Variants in AHI1 observed in about 807,000 individuals in gnomAD.
AHI1 encodes jouberin.
AHI1 carries 123 observed loss-of-function variants against 149.3 expected under a neutral mutation model. The observed-to-expected ratio is 0.82, with a 90% CI of 0.71 to 0.96. AHI1 has a LOEUF of 0.96. Among genes scored for constraint, AHI1 ranks in the 40% least tolerant of loss-of-function variants. The pLI is 0.00. For synonymous variants in AHI1, 475 were observed against 459.8 expected (o/e 1.03, Z -0.42); for missense variants, 1,439 against 1,422.7 (o/e 1.01, Z -0.18).
At chr6:135,437,197 T>C (rs933902266) in intron 15 of AHI1, among the ~76,000 whole-genome samples, 1 of 152,194 alleles carries the variant, frequency 6.6e-6, no homozygotes, top group Non-Finnish European at 1.5e-5. Flanking sequence ...TGATTTACTG[T>C]AGAGAATGTT....
At chr6:135,496,878 T>A (rs1225627137) in intron 2 of AHI1, among the ~76,000 whole-genome samples, 2 of 152,260 alleles carry the variant, frequency 1.3e-5, no homozygotes, top group Non-Finnish European at 2.9e-5. Flanking sequence ...AAAACACTTT[T>A]GGTATTTGAA....
At chr6:135,325,119 C>T (rs961056048) in intron 24 of AHI1, among the ~76,000 whole-genome samples, 3 of 151,836 alleles carry the variant, frequency 2.0e-5, no homozygotes, top group Non-Finnish European at 2.9e-5. Context: ...CTCCGCCACC[C>T]GGGTTCAAGC....
chr6:135,360,291 C>T (rs900122333), intron 23 of AHI1, among the ~76,000 whole-genome samples: 1 of 152,098 alleles, frequency 6.6e-6, no homozygotes, highest in Non-Finnish European at 1.5e-5. Context: ...AAACATTATT[C>T]TAGATATTTC....
At chr6:135,293,077 C>T (rs933222354) in intron 27 of AHI1, among the ~76,000 whole-genome samples, 5 of 152,056 alleles carry the variant, frequency 3.3e-5, no homozygotes, top group Admixed American at 2.0e-4. Flanking sequence ...ATCCGAGGAA[C>T]GCGAAGTTGG....
chr6:135,479,047 G>A (rs1437827781), intron 5 of AHI1, among the ~76,000 whole-genome samples: 1 of 152,260 alleles, frequency 6.6e-6, no homozygotes, highest in South Asian at 2.1e-4. Flanking sequence ...CCTCTGCCTA[G>A]ATTACAGAGG....
chr6:135,345,510 T>C (rs1188099975), intron 24 of AHI1, among the ~76,000 whole-genome samples: 1 of 152,200 alleles, frequency 6.6e-6, no homozygotes, highest in Non-Finnish European at 1.5e-5. Context: ...GAAATTCTGA[T>C]ACATGCCACA....
chr6:135,399,502 A>G (rs555527180), intron 22 of AHI1, among the ~76,000 whole-genome samples: 5 of 152,170 alleles, frequency 3.3e-5, no homozygotes, highest in South Asian at 4.1e-4. Flanking sequence ...CTATCCTTCT[A>G]TCTTTGTTTC....
chr6:135,358,495 T>G (rs187045264), intron 23 of AHI1, among the ~76,000 whole-genome samples: 39 of 152,336 alleles, frequency 2.6e-4, no homozygotes, highest in Non-Finnish European at 5.6e-4. Flanking sequence ...GCTCTGCTGC[T>G]TTTCTTCCAT....
chr6:135,408,756 T>C (rs963542208), intron 21 of AHI1, among the ~76,000 whole-genome samples: 7 of 152,028 alleles, frequency 4.6e-5, no homozygotes. Flanking sequence ...TGAACAAGGG[T>C]GCACAGCCCC....
intron 10 of AHI1, 87 bp downstream of exon 10, chr6:135,455,647 T>C: frequency 9.3e-7 from 1 of 1,076,228 alleles, no homozygotes; most frequent in Non-Finnish European, 1.2e-6. Context: ...TTTTTTTGCC[T>C]TACTGGACTA....
chr6:135,287,061 AG>A (rs1453275051), intron 28 of AHI1, among the ~76,000 whole-genome samples: 1 of 152,220 alleles, frequency 6.6e-6, no homozygotes, highest in East Asian at 1.9e-4. Context: ...AGGAAGAATA[AG>A]GCAAAACAAA....
intron 17 of AHI1, among the ~76,000 whole-genome samples, chr6:135,430,313 AT>A (rs1177912699): frequency 6.6e-6 from 1 of 151,922 alleles, no homozygotes; most frequent in Non-Finnish European, 1.5e-5. Flanking sequence ...GTAACATTAC[AT>A]TTTTTGTTTA....
In AHI1 at chr6:135,285,263, A is replaced by T. The variant is rs1781552724; in HGVS notation, c.*382T>A. ...CACATACAACCATTACCAATATAAT[A>T]ATATTAAATGATTACTTAACAGACA... On this transcript the variant is annotated 3_prime_UTR_variant, in exon 29 of 29. Coordinates refer to ENST00000265602, the MANE Select transcript of AHI1 (RefSeq NM_001134831.2). The T allele has an allele frequency of 3.9e-6, 1 of 255,974 alleles. No homozygotes were observed. Among genetic ancestry groups the T allele is most frequent in the African/African-American group, 2.3e-5 (1 of 44,358 alleles). The allele number at this position is 255,974 out of a possible 1,614,324, so 15.9% of individuals were successfully genotyped here.
chr6:135,463,065 C>T, intron 8 of AHI1, 60 bp downstream of exon 8: 1 of 1,398,946 alleles, frequency 7.1e-7, no homozygotes, highest in Non-Finnish European at 9.6e-7. Context: ...GGCTAAAATT[C>T]CTAGAATCAA....
chr6:135,339,678 G>C (rs1245120082), intron 24 of AHI1, among the ~76,000 whole-genome samples: 1 of 152,172 alleles, frequency 6.6e-6, no homozygotes, highest in African/African-American at 2.4e-5. Flanking sequence ...CAGAGCCTCA[G>C]AGAATTATAG....
intron 18 of AHI1, among the ~76,000 whole-genome samples, chr6:135,429,197 T>C (rs1408566455): frequency 1.3e-5 from 2 of 151,672 alleles, no homozygotes; most frequent in Non-Finnish European, 3.0e-5. Context: ...ATTTGATCTC[T>C]GAAAAAAAAT....
chr6:135,496,110 AATC>A (rs1795928426), intron 2 of AHI1, among the ~76,000 whole-genome samples: 1 of 152,122 alleles, frequency 6.6e-6, no homozygotes, highest in African/African-American at 2.4e-5. Context: ...ACAGTACAGA[AATC>A]ATCTCTAATT....
chr6:135,351,055 C>A (rs1218545581), intron 24 of AHI1, among the ~76,000 whole-genome samples: 1 of 149,448 alleles, frequency 6.7e-6, no homozygotes, highest in Non-Finnish European at 1.5e-5. Flanking sequence ...ATTGTCCTGG[C>A]ATAACTGAAC....
intron 12 of AHI1, among the ~76,000 whole-genome samples, chr6:135,447,836 C>G (rs963757285): frequency 6.6e-6 from 1 of 152,126 alleles, no homozygotes; most frequent in Admixed American, 6.5e-5. Flanking sequence ...GCCCACACAC[C>G]AAATCTGGCC....
Sources: gnomAD v4.1 joint callset for allele counts (sites outside exome capture counted in the v4.1 genomes callset) on GRCh38, gnomAD v4.1.1 for gene constraint, MANE v1.5 for transcripts, NCBI Gene and HGNC (gene_info 2026-07-23, HGNC 2026-07-21) for gene names.